Variants in P3H2 observed in about 807,000 individuals in gnomAD.
P3H2 encodes leprecan-like 1.
P3H2 carries 80 observed loss-of-function variants against 87.0 expected under a neutral mutation model. The observed-to-expected ratio is 0.92, with a 90% CI of 0.77 to 1.11. The LOEUF (loss-of-function observed/expected upper bound fraction) is 1.11. P3H2 is among the 50% of genes least tolerant of loss of function. The pLI, the probability that P3H2 is intolerant of heterozygous loss-of-function variation, is 0.00. For synonymous variants in P3H2, 367 were observed against 359.3 expected, an observed-to-expected ratio of 1.02 and a Z score of -0.24; for missense variants, 1,001 against 923.9, an observed-to-expected ratio of 1.08 and a Z score of -1.08.
intron 1 of P3H2, among the ~76,000 whole-genome samples, chr3:190,091,118 A>C (rs1727396402): frequency 2.0e-5 from 3 of 152,216 alleles, no homozygotes; most frequent in Admixed American, 1.3e-4. Context: ...TTATTGTGCA[A>C]GTGAAGAGGA....
chr3:190,090,156 C>A (rs1727362008), intron 1 of P3H2, among the ~76,000 whole-genome samples: 5 of 152,204 alleles, frequency 3.3e-5, no homozygotes, highest in Admixed American at 1.3e-4. Flanking sequence ...TCAGGTCAAA[C>A]ATGCTTCTTA....
At chr3:190,097,462 C>T (rs1193208892) in intron 1 of P3H2, among the ~76,000 whole-genome samples, 8 of 152,066 alleles carry the variant, frequency 5.3e-5, no homozygotes, top group Non-Finnish European at 1.2e-4. Context: ...AAAAATAAAA[C>T]AAAACGATTC....
intron 13 of P3H2, chr3:189,969,772 A>T: frequency 6.2e-7 from 1 of 1,606,690 alleles, no homozygotes. Flanking sequence ...CATATTTTTC[A>T]GTTCTTCCTT....
At chr3:190,117,874 G>T (rs916741382) in intron 1 of P3H2, among the ~76,000 whole-genome samples, 3 of 152,172 alleles carry the variant, frequency 2.0e-5, no homozygotes, top group African/African-American at 7.2e-5. Context: ...TATCAATTAT[G>T]TAGATCCAAG....
chr3:190,100,253 C>T (rs1233718369), intron 1 of P3H2, among the ~76,000 whole-genome samples: 4 of 131,378 alleles, frequency 3.0e-5, no homozygotes, highest in African/African-American at 8.7e-5. Flanking sequence ...CCCCGCCGCC[C>T]CCCCCCCCAA....
At chr3:190,091,420 T>C (rs998716202) in intron 1 of P3H2, among the ~76,000 whole-genome samples, 1 of 152,252 alleles carries the variant, frequency 6.6e-6, no homozygotes, top group African/African-American at 2.4e-5. Context: ...TCTGCATAAT[T>C]CATAGTTAAT....
At chr3:190,045,011 T>G (rs1006848138) in intron 1 of P3H2, among the ~76,000 whole-genome samples, 4 of 152,166 alleles carry the variant, frequency 2.6e-5, no homozygotes, top group Admixed American at 6.5e-5. Context: ...CAGAAAGGCC[T>G]CTGAGTAAGT....
intron 14 of P3H2, chr3:189,963,458 G>A (rs1472054124): frequency 6.4e-6 from 1 of 155,986 alleles, no homozygotes. Context: ...TTTTGTTTTT[G>A]TTTTGAGACA....
chr3:189,974,006 T>C lies in P3H2; in HGVS notation c.1453-2A>G, dbSNP rs1375042747. ...TCCATCACCAACAAGCATGATTCCC[T>C]GGAAGCAAATACAAGAAGATACGTC... On this transcript the variant is annotated splice_acceptor_variant, in intron 9 of 14. Coordinates refer to ENST00000319332, the MANE Select transcript of P3H2 (RefSeq NM_018192.4). LOFTEE classifies it high-confidence loss of function. The C allele has an allele frequency of 3.1e-6, 5 of 1,609,426 alleles. No individual in the cohort carries two copies. Among genetic ancestry groups the C allele is most frequent in the Admixed American group, 1.7e-5 (1 of 60,022 alleles).
chr3:190,039,088 T>C (rs1160138426), intron 1 of P3H2, among the ~76,000 whole-genome samples: 3 of 149,246 alleles, frequency 2.0e-5, no homozygotes, highest in African/African-American at 7.4e-5. Context: ...ACTTGGGAGG[T>C]TGAGGCAGGA....
Position 190,022,213 on chromosome 3 carries a change from A to G in P3H2, c.481-26771T>C, listed in dbSNP as rs1254168404. Reference sequence around the variant, plus strand: ...TCACAAATAATATTCCATATAATAAACAGTAAATTCTTAAAATTTACATAT... The same window carrying G: ...TCACAAATAATATTCCATATAATAAGCAGTAAATTCTTAAAATTTACATAT... On this transcript the variant is annotated intron_variant, in intron 1 of 14. Transcript: ENST00000319332. Among the ~76,000 whole-genome samples the G allele has an allele frequency of 5.2e-5, 7 of 135,594 alleles. 1 individual carries two copies. Among genetic ancestry groups the G allele is most frequent in the African/African-American group, 1.8e-4 (7 of 39,220 alleles). 89.0% of individuals were successfully genotyped at this position (135,594 alleles called of 152,430 possible).
intron 3 of P3H2, among the ~76,000 whole-genome samples, chr3:189,991,062 A>G (rs866591712): frequency 6.6e-6 from 1 of 152,206 alleles, no homozygotes; most frequent in Non-Finnish European, 1.5e-5. Context: ...CCCCACAACC[A>G]CAACACAGTT....
At chr3:190,037,424 A>G (rs1725459833) in intron 1 of P3H2, among the ~76,000 whole-genome samples, 1 of 152,124 alleles carries the variant, frequency 6.6e-6, no homozygotes. Context: ...AAGCTTCAGG[A>G]AAAATATGGA....
At chr3:190,066,143 G>GTGTATATATATATATA (rs58939026) in intron 1 of P3H2, among the ~76,000 whole-genome samples, 137 of 138,694 alleles carry the variant, frequency 9.9e-4, no homozygotes, top group African/African-American at 1.5e-3. Flanking sequence ...ACTGTGGTGT[G>GTGTATATATATATATA]TATATATATA....
chr3:190,114,651 T>C (rs1057191052), intron 1 of P3H2, among the ~76,000 whole-genome samples: 4 of 152,088 alleles, frequency 2.6e-5, no homozygotes, highest in Non-Finnish European at 5.9e-5. Context: ...AGATGAACAA[T>C]CTCTCAGGTT....
intron 1 of P3H2, among the ~76,000 whole-genome samples, chr3:190,049,411 G>T (rs369014240): frequency 6.6e-6 from 1 of 151,912 alleles, no homozygotes; most frequent in African/African-American, 2.4e-5. Context: ...TTGGCTTTTC[G>T]CCTAAATGGC....
chr3:190,037,160 A>C (rs866987511), intron 1 of P3H2, among the ~76,000 whole-genome samples: 2 of 152,174 alleles, frequency 1.3e-5, no homozygotes, highest in Non-Finnish European at 2.9e-5. Context: ...TATTAAAAAA[A>C]CATTGTGGTT....
chr3:190,081,847 T>C (rs183664324), intron 1 of P3H2, among the ~76,000 whole-genome samples: 1 of 152,298 alleles, frequency 6.6e-6, no homozygotes, highest in East Asian at 1.9e-4. Context: ...CAGCCACTCA[T>C]TTTGGCAAAA....
Position 190,120,866 on chromosome 3 carries a change from G to C in P3H2, c.-135C>G. The C allele has an allele frequency of 7.4e-7, 1 of 1,355,926 alleles. No individual in the cohort carries two copies. The highest frequency in any genetic ancestry group is 9.6e-7 in the Non-Finnish European group (1 of 1,040,056). 84.0% of individuals were successfully genotyped at this position (1,355,926 alleles called of 1,614,324 possible). A position where few individuals can be genotyped will look rare whatever the true frequency, so the allele number is the denominator to read the frequency against. On this transcript the variant is annotated 5_prime_UTR_variant, in exon 1 of 15. Coordinates refer to ENST00000319332, the MANE Select transcript of P3H2 (RefSeq NM_018192.4). ...CGATCTGGCCGCTCCGCGAGCCCCA[G>C]GTGACCGCCGGCGCTCCGCGTACTG...
Sources: gnomAD v4.1 joint callset for allele counts (sites outside exome capture counted in the v4.1 genomes callset) on GRCh38, gnomAD v4.1.1 for gene constraint, MANE v1.5 for transcripts, NCBI Gene and HGNC (gene_info 2026-07-23, HGNC 2026-07-21) for gene names.